The following TTC39B variants were observed in gnomAD, a reference collection of about 807,000 sequenced individuals.
TTC39B encodes tetratricopeptide repeat domain 39B.
TTC39B carries 92 observed loss-of-function variants against 96.6 expected under a neutral mutation model. The observed-to-expected ratio is 0.95, with a 90% CI of 0.80 to 1.13. The LOEUF is 1.13. TTC39B is among the 50% of genes most tolerant of loss of function. The probability of loss-of-function intolerance (pLI) is 0.00; values close to 1 mark genes in which losing one functional copy is unlikely to be tolerated. For missense variants in TTC39B, 955 were observed against 809.3 expected (o/e 1.18, Z -2.18); for synonymous variants, 367 against 299.4 (o/e 1.23, Z -2.33).
chr9:15,307,210 G>C, exon 1 of TTC39B: 1 of 1,558,046 alleles, frequency 6.4e-7, no homozygotes, highest in African/African-American at 1.4e-5. Flanking sequence ...TCAGCCCAGC[G>C]CAAAGGAGGG....
At chr9:15,259,886 T>C (rs978009061) in intron 2 of TTC39B, among the ~76,000 whole-genome samples, 5 of 152,196 alleles carry the variant, frequency 3.3e-5, no homozygotes, top group African/African-American at 9.6e-5. Flanking sequence ...AAATTAGTGG[T>C]TGCCCCAGCC....
At chr9:15,201,260 C>CAA (rs201314695) in intron 7 of TTC39B, among the ~76,000 whole-genome samples, 9 of 134,450 alleles carry the variant, frequency 6.7e-5, no homozygotes, top group African/African-American at 1.1e-4. Context: ...AAATATACCT[C>CAA]AAAAAAAAAA....
chr9:15,206,231 T>C (rs927635922), intron 6 of TTC39B, among the ~76,000 whole-genome samples: 1 of 151,872 alleles, frequency 6.6e-6, no homozygotes, highest in Non-Finnish European at 1.5e-5. Flanking sequence ...GAAACCCATT[T>C]GGGGCAATCC....
At position 15,182,239 on chromosome 9, in the gene TTC39B, G is replaced by C. The variant is rs1564315994; in HGVS notation, c.1723+68C>G. The C allele has an allele frequency of 4.0e-6, 4 of 996,338 alleles. No individual in the cohort carries two copies. In the Admixed American group the frequency reaches 9.4e-5, roughly 23 times the overall value. 61.7% of individuals were successfully genotyped at this position (996,338 alleles called of 1,614,324 possible). A position where few individuals can be genotyped will look rare whatever the true frequency, so the allele number is the denominator to read the frequency against. ...AAATTAATGTTGGCAGATGTGCACAGGGAAAAGACAGGAGAGCAGTCATGG... is the reference window on the plus strand; with the variant it reads ...AAATTAATGTTGGCAGATGTGCACACGGAAAAGACAGGAGAGCAGTCATGG... On this transcript the variant is annotated intron_variant, in intron 17 of 19. Coordinates refer to ENST00000512701, the Ensembl canonical transcript of TTC39B.
chr9:15,304,657 C>G lies in TTC39B; in HGVS notation c.240+2427G>C, dbSNP rs149855235. ...AAACTCCCTCTTCCCCAACCTCCCCCCCGACCCCTCTCCCCCATCTCAATA... is the reference window on the plus strand; with the variant it reads ...AAACTCCCTCTTCCCCAACCTCCCCGCCGACCCCTCTCCCCCATCTCAATA... On this transcript the variant is annotated intron_variant, in intron 1 of 19. Transcript: ENST00000512701. Among the ~76,000 whole-genome samples the G allele has an allele frequency of 9.3e-3, 1,408 of 152,128 alleles. 25 individuals carry two copies. Among genetic ancestry groups the G allele is most frequent in the African/African-American group, 0.032 (1,312 of 41,474 alleles).
intron 2 of TTC39B, among the ~76,000 whole-genome samples, chr9:15,232,826 G>A (rs530373435): frequency 6.6e-6 from 1 of 152,294 alleles, no homozygotes; most frequent in South Asian, 2.1e-4. Context: ...TGGCTTTTTG[G>A]AGAGGCCGCC....
intron 2 of TTC39B, among the ~76,000 whole-genome samples, chr9:15,245,706 C>G (rs897309055): frequency 5.9e-5 from 9 of 152,120 alleles, no homozygotes; most frequent in African/African-American, 1.9e-4. Context: ...TTACAGCCAC[C>G]TATAATAACT....
At chr9:15,255,061 A>C (rs560821260) in intron 2 of TTC39B, among the ~76,000 whole-genome samples, 2 of 152,168 alleles carry the variant, frequency 1.3e-5, no homozygotes, top group African/African-American at 4.8e-5. Flanking sequence ...CATTCTAACT[A>C]TAACATTCTG....
chr9:15,281,110 G>A (rs995031247), intron 1 of TTC39B, among the ~76,000 whole-genome samples: 1 of 151,834 alleles, frequency 6.6e-6, no homozygotes, highest in East Asian at 1.9e-4. Context: ...TTATGCAATA[G>A]TTATTTTAAC....
chr9:15,177,516 C>T (rs1424694361), intron 18 of TTC39B, among the ~76,000 whole-genome samples, 181 bp downstream of exon 18: 1 of 152,108 alleles, frequency 6.6e-6, no homozygotes, highest in East Asian at 1.9e-4. Context: ...AGTCATGTTC[C>T]ACCCAGACCA....
chr9:15,217,195 T>G (rs1170960534), intron 3 of TTC39B, among the ~76,000 whole-genome samples: 3 of 152,144 alleles, frequency 2.0e-5, no homozygotes, highest in Non-Finnish European at 4.4e-5. Flanking sequence ...AGAAAATACA[T>G]CAGCTCTGAA....
intron 3 of TTC39B, among the ~76,000 whole-genome samples, chr9:15,219,696 C>T (rs898271051): frequency 1.3e-5 from 2 of 152,156 alleles, no homozygotes; most frequent in Non-Finnish European, 2.9e-5. Context: ...CCTCTTCATT[C>T]CTCCTCTGAG....
chr9:15,266,862 G>A (rs963505110), intron 2 of TTC39B, among the ~76,000 whole-genome samples: 3 of 152,104 alleles, frequency 2.0e-5, no homozygotes, highest in African/African-American at 2.4e-5. Flanking sequence ...GGCAGATCAC[G>A]AGGTCAGGAG....
chr9:15,279,833 G>A (rs1175267239), intron 1 of TTC39B, among the ~76,000 whole-genome samples: 1 of 151,892 alleles, frequency 6.6e-6, no homozygotes. Flanking sequence ...ACTACAAACA[G>A]GGCCAAATTC....
chr9:15,302,539 C>CAA (rs145173046), intron 1 of TTC39B, among the ~76,000 whole-genome samples: 25,911 of 46,656 alleles, frequency 0.56, 8,409 homozygotes, highest in East Asian at 0.68. Context: ...GATTCCGTCT[C>CAA]AAAAAAAAAA....
In TTC39B at chr9:15,247,506, C is replaced by T. The variant is rs148862357; in HGVS notation, c.275+20408G>A. Among the ~76,000 whole-genome samples, 488 of 152,234 alleles carry T rather than the reference C, an allele frequency of 3.2e-3. 4 individuals carry two copies. Among genetic ancestry groups the T allele is most frequent in the African/African-American group, 0.011 (447 of 41,554 alleles). On this transcript the variant is annotated intron_variant, in intron 2 of 19. Coordinates refer to ENST00000512701, the Ensembl canonical transcript of TTC39B. Reference sequence around the variant, plus strand: ...GTCCTGTGTACAACTCTGAACATGGCGGCCCTATAGGGAATTGCTGATGTT... The same window carrying T: ...GTCCTGTGTACAACTCTGAACATGGTGGCCCTATAGGGAATTGCTGATGTT...
chr9:15,196,622 C>G (rs1819186442), intron 8 of TTC39B, among the ~76,000 whole-genome samples: 2 of 152,266 alleles, frequency 1.3e-5, no homozygotes, highest in African/African-American at 4.8e-5. Flanking sequence ...GAGGAGTTGC[C>G]TCTTATGGAT....
chr9:15,200,953 C>T (rs1321427816), intron 7 of TTC39B, among the ~76,000 whole-genome samples: 5 of 152,076 alleles, frequency 3.3e-5, no homozygotes, highest in Non-Finnish European at 4.4e-5. Context: ...GAGCCAAGAT[C>T]GCGCCACTGC....
At chr9:15,281,997 T>C (rs1823785122) in intron 1 of TTC39B, among the ~76,000 whole-genome samples, 1 of 152,210 alleles carries the variant, frequency 6.6e-6, no homozygotes, top group African/African-American at 2.4e-5. Context: ...TATTTTATTA[T>C]GTAGGAAAAC....
Sources: allele counts gnomAD v4.1 joint callset (sites outside exome capture counted in the v4.1 genomes callset), GRCh38; gene constraint gnomAD v4.1.1; transcripts MANE v1.5; gene names NCBI Gene and HGNC (gene_info 2026-07-23, HGNC 2026-07-21).